Variants in ZNF804B observed in about 807,000 individuals in gnomAD.
ZNF804B encodes the protein zinc finger 804B.
ZNF804B carries 80 observed loss-of-function variants against 101.4 expected under a neutral mutation model. The ratio of observed to expected loss-of-function variants is 0.79; its 90% CI spans 0.66 to 0.95. ZNF804B has a LOEUF of 0.95. Ranked by LOEUF, ZNF804B falls within the 40% of genes least tolerant of loss-of-function variation. The pLI is 0.00. For synonymous variants in ZNF804B, 622 were observed against 558.8 expected (o/e 1.11, Z -1.59); for missense variants, 1,673 against 1,561.9 (o/e 1.07, Z -1.20).
intron 1 of ZNF804B, among the ~76,000 whole-genome samples, chr7:88,970,007 C>G (rs1432492513): frequency 6.6e-6 from 1 of 151,226 alleles, no homozygotes; most frequent in African/African-American, 2.4e-5. Flanking sequence ...CTCCTTTGCT[C>G]CTTTTCTCTT....
chr7:89,177,389 G>T (rs1584034488), intron 1 of ZNF804B, among the ~76,000 whole-genome samples: 1 of 152,008 alleles, frequency 6.6e-6, no homozygotes, highest in Non-Finnish European at 1.5e-5. Flanking sequence ...TCTTTTAGAA[G>T]CATATTGTTC....
chr7:88,926,233 GT>G (rs1407248345), intron 1 of ZNF804B, among the ~76,000 whole-genome samples: 1 of 152,058 alleles, frequency 6.6e-6, no homozygotes, highest in East Asian at 1.9e-4. Flanking sequence ...TGTGATTTTA[GT>G]CACGAAGATC....
rs913962496 is a variant in ZNF804B, at chr7:88,861,880, G to T, written c.108+101796G>T. 6.6e-5 allele frequency among the ~76,000 whole-genome samples: 10 copies of T among 152,278 alleles called. No homozygotes were observed. The East Asian group carries it at 1.7e-3, about 26-fold the overall frequency. On this transcript the variant is annotated intron_variant, in intron 1 of 3. Transcript: ENST00000333190. The stretch of plus-strand genomic sequence containing the variant: ...CCTTGCATATTTTTCAGTAGCATAA[G>T]ATTAGAATTATGGGAACAAGAAGGA...
intron 1 of ZNF804B, among the ~76,000 whole-genome samples, chr7:89,109,690 A>G (rs1470137101): frequency 3.3e-5 from 5 of 152,164 alleles, no homozygotes; most frequent in African/African-American, 9.7e-5. Context: ...TGCCTAATTA[A>G]TCTTCTTTAA....
chr7:89,288,558 C>G (rs1490334705), intron 2 of ZNF804B, among the ~76,000 whole-genome samples: 1 of 152,150 alleles, frequency 6.6e-6, no homozygotes, highest in East Asian at 1.9e-4. Context: ...TTTTGGCTTA[C>G]TTTCTAGCAG....
rs140693995 is a variant in ZNF804B at position 89,038,129 on chromosome 7, A to G, written c.109-180026A>G. ...CTTGTCTTGTGTCAATAATGGTGCA[A>G]TAAACACTGGGGTGCAGGTATCCCC... is the stretch of plus-strand genomic sequence containing the variant. On this transcript the variant is annotated intron_variant, in intron 1 of 3. Transcript: ENST00000333190. 3.0e-3 allele frequency among the ~76,000 whole-genome samples: 450 copies of G among 152,304 alleles called. 1 individual carries two copies. The highest frequency in any genetic ancestry group is 0.01 in the African/African-American group (425 of 41,576).
chr7:89,177,586 T>C (rs1008119814), intron 1 of ZNF804B, among the ~76,000 whole-genome samples: 3 of 152,224 alleles, frequency 2.0e-5, no homozygotes. Context: ...TCTGCAGCCA[T>C]TGAATGACAT....
chr7:89,256,848 T>C (rs990194490), intron 2 of ZNF804B, among the ~76,000 whole-genome samples: 1 of 152,202 alleles, frequency 6.6e-6, no homozygotes, highest in Non-Finnish European at 1.5e-5. Context: ...CAGAGGCCTT[T>C]ATGGCACTAG....
At chr7:88,883,940 A>G (rs2115913279) in intron 1 of ZNF804B, among the ~76,000 whole-genome samples, 1 of 152,168 alleles carries the variant, frequency 6.6e-6, no homozygotes, top group Admixed American at 6.6e-5. Context: ...TATAGGTTAC[A>G]GAAAAAACTG....
In ZNF804B at chr7:89,108,295, C is replaced by T. The variant is rs575490346; in HGVS notation, c.109-109860C>T. Among the ~76,000 whole-genome samples, 26 of 150,418 alleles carry T rather than the reference C, an allele frequency of 1.7e-4. No homozygotes were observed. In the South Asian group the frequency reaches 4.0e-3, roughly 23 times the overall value. On this transcript the variant is annotated intron_variant, in intron 1 of 3. Transcript: ENST00000333190. ...GGCTTTTATCTCGACAGAAAGTACA[C>T]GGAGGGAAGAACATAGGCTTGGAGG...
chr7:88,894,369 T>C (rs1284423511), intron 1 of ZNF804B, among the ~76,000 whole-genome samples: 1 of 151,914 alleles, frequency 6.6e-6, no homozygotes, highest in South Asian at 2.1e-4. Flanking sequence ...TGCACCACCA[T>C]GCCCAACTAA....
chr7:89,097,096 T>A (rs1789981068), intron 1 of ZNF804B, among the ~76,000 whole-genome samples: 2 of 152,180 alleles, frequency 1.3e-5, no homozygotes, highest in Non-Finnish European at 2.9e-5. Flanking sequence ...TCATGTTGAA[T>A]CCCCAACGAA....
intron 1 of ZNF804B, among the ~76,000 whole-genome samples, chr7:89,014,941 G>A (rs1584073384): frequency 1.3e-5 from 2 of 152,158 alleles, no homozygotes; most frequent in South Asian, 4.1e-4. Context: ...ATGTTCTGAA[G>A]CATTTCCCCT....
At chr7:88,878,723 C>T (rs1403216061) in intron 1 of ZNF804B, among the ~76,000 whole-genome samples, 1 of 152,102 alleles carries the variant, frequency 6.6e-6, no homozygotes, top group Non-Finnish European at 1.5e-5. Flanking sequence ...CTGCTTTTAA[C>T]TAATACAAAT....
At chr7:88,766,059 G>A (rs1402933315) in intron 1 of ZNF804B, among the ~76,000 whole-genome samples, 2 of 152,198 alleles carry the variant, frequency 1.3e-5, no homozygotes, top group African/African-American at 4.8e-5. Flanking sequence ...AGCACTTTGG[G>A]AGGCTGAGGT....
chr7:88,790,137 T>A (rs1299347969), intron 1 of ZNF804B, among the ~76,000 whole-genome samples: 1 of 152,136 alleles, frequency 6.6e-6, no homozygotes, highest in Non-Finnish European at 1.5e-5. Flanking sequence ...ATTGGCTTTA[T>A]ATATATGTTC....
chr7:89,336,869 T>G lies in ZNF804B; in HGVS notation c.3887T>G (p.Phe1296Cys). Residue 1296 changes from phenylalanine to cysteine, a missense_variant, in exon 4 of 4, where the codon TTT (phenylalanine) becomes TGT (cysteine). Phe to Cys is a radical substitution (Grantham distance 205). Coordinates refer to ENST00000333190, the MANE Select transcript of ZNF804B (RefSeq NM_181646.5). ...LPPTAFIPTL[F>C]GPHLNPATTS... is the part of the protein sequence containing the mutation. The stretch of plus-strand genomic sequence containing the variant: ...CCTACAGCATTTATTCCTACATTGT[T>G]TGGTCCTCACTTAAATCCAGCCACA... 1 of 1,614,074 alleles carries G rather than the reference T, an allele frequency of 6.2e-7. No individual in the cohort carries two copies. Among genetic ancestry groups the G allele is most frequent in the Admixed American group, 1.7e-5 (1 of 59,990 alleles).
At chr7:88,935,966 A>C (rs1447508611) in intron 1 of ZNF804B, among the ~76,000 whole-genome samples, 1 of 117,504 alleles carries the variant, frequency 8.5e-6, no homozygotes, top group Non-Finnish European at 1.9e-5. Flanking sequence ...CTGTTTTCCG[A>C]TTTTTCTTTT....
At chr7:89,177,914 G>A (rs1252886196) in intron 1 of ZNF804B, among the ~76,000 whole-genome samples, 3 of 150,150 alleles carry the variant, frequency 2.0e-5, no homozygotes, top group Non-Finnish European at 3.0e-5. Context: ...CAGCCTGGGT[G>A]ACAGAGCGAG....
Sources: gnomAD v4.1 joint callset for allele counts (sites outside exome capture counted in the v4.1 genomes callset) on GRCh38, gnomAD v4.1.1 for gene constraint, MANE v1.5 for transcripts, NCBI Gene and HGNC (gene_info 2026-07-23, HGNC 2026-07-21) for gene names.